Variants in SMCR8 observed in about 807,000 individuals in gnomAD.
SMCR8 encodes the protein SMCR8-C9orf72 complex subunit, also known as guanine nucleotide exchange protein SMCR8.
In SMCR8, 30 loss-of-function variants were observed where a neutral mutation model predicts 56.6. That is an observed-to-expected ratio of 0.53 (90% CI 0.40 to 0.72). The LOEUF (loss-of-function observed/expected upper bound fraction) is 0.72, where lower values mean the gene tolerates loss of function less well. Ranked by LOEUF, SMCR8 falls within the 30% of genes least tolerant of loss-of-function variation. The pLI, the probability that SMCR8 is intolerant of heterozygous loss-of-function variation, is 0.00. For synonymous variants in SMCR8, 538 were observed against 456.0 expected (o/e 1.18, Z -2.29); for missense variants, 1,198 against 1,157.0 (o/e 1.04, Z -0.51).
chr17:18,321,332 T>C (rs779917316), intron 1 of SMCR8, among the ~76,000 whole-genome samples: 22 of 152,142 alleles, frequency 1.4e-4, no homozygotes, highest in African/African-American at 3.4e-4. Context: ...GTGCCAGGCA[T>C]TGGGGGCATG....
Position 18,327,464 on chromosome 17 carries a change from A to G in SMCR8, c.*4394A>G, listed in dbSNP as rs1162689836. On this transcript the variant is annotated 3_prime_UTR_variant, in exon 2 of 2. Coordinates refer to ENST00000406438, the MANE Select transcript of SMCR8 (RefSeq NM_144775.3). ...CAGAACTGTAGGGACTGGTGAGTCA[A>G]CTCACAGATTCTGCAGCAGCTGCTC... is the stretch of plus-strand genomic sequence containing the variant. 6.6e-6 allele frequency: 1 copy of G among 152,202 alleles called. No individual in the cohort carries two copies. Among genetic ancestry groups the G allele is most frequent in the South Asian group, 2.1e-4 (1 of 4,828 alleles). The allele number at this position is 152,202 out of a possible 1,614,324, so 9.4% of individuals were successfully genotyped here. A position where few individuals can be genotyped will look rare whatever the true frequency, so the allele number is the denominator to read the frequency against.
Position 18,317,838 on chromosome 17 carries a change from C to G in SMCR8, c.2049C>G (p.Ser683=). 1 of 1,614,120 alleles carries G rather than the reference C, an allele frequency of 6.2e-7. No homozygotes were observed. Among genetic ancestry groups the G allele is most frequent in the Non-Finnish European group, 8.5e-7 (1 of 1,180,014 alleles). Residue 683 remains serine, a synonymous_variant, in exon 1 of 2, where the codon TCC becomes TCG. Coordinates refer to ENST00000406438, the MANE Select transcript of SMCR8 (RefSeq NM_144775.3). ...CCAGCTACGTGAGCAGTGTAGCGTCCACCAGCTCAGACAGGATCCCCTCTG... is the reference window on the plus strand; with the variant it reads ...CCAGCTACGTGAGCAGTGTAGCGTCGACCAGCTCAGACAGGATCCCCTCTG... ...DTTSYVSSVA[S]TSSDRIPSAY...
Position 18,316,480 on chromosome 17 carries a change from G to A in SMCR8, c.691G>A (p.Glu231Lys), listed in dbSNP as rs2142993328. 6.2e-7 allele frequency: 1 copy of A among 1,614,118 alleles called. No individual in the cohort carries two copies. Among genetic ancestry groups the A allele is most frequent in the African/African-American group, 1.3e-5 (1 of 75,050 alleles). The change falls in exon 1 of 2, where the codon GAG becomes AAG. Residue 231 changes from glutamate (E) to lysine (K), a missense_variant. Glu to Lys is a moderately conservative substitution (Grantham distance 56). Transcript: ENST00000406438. Reference protein sequence around the residue: ...DKGFYSSQAIEKANELASVEK... With the variant: ...DKGFYSSQAIKKANELASVEK... Reference sequence around the variant, plus strand: ...AGGCTTTTACTCATCTCAGGCAATTGAGAAAGCCAATGAACTGGCCAGTGT... The same window carrying A: ...AGGCTTTTACTCATCTCAGGCAATTAAGAAAGCCAATGAACTGGCCAGTGT...
Position 18,318,085 on chromosome 17 carries a change from C to T in SMCR8, c.2296C>T (p.His766Tyr), listed in dbSNP as rs139651702. 9 of 1,614,152 alleles carry T rather than the reference C, an allele frequency of 5.6e-6. No homozygotes were observed. Among genetic ancestry groups the T allele is most frequent in the Non-Finnish European group, 6.8e-6 (8 of 1,180,056 alleles). ...TGGCTGCTACGCTAAGCCCGTGAAACATTGGGCCTCCTCCCCTTTGCACAT... is the reference window on the plus strand; with the variant it reads ...TGGCTGCTACGCTAAGCCCGTGAAATATTGGGCCTCCTCCCCTTTGCACAT... ...SYGCYAKPVK[H>Y]WASSPLHIMD... Residue 766 changes from histidine (H) to tyrosine (Y), a missense_variant, in exon 1 of 2, where the codon CAT becomes TAT. Transcript: ENST00000406438.
In SMCR8 at chr17:18,317,783, A is replaced by G; in HGVS notation, c.1994A>G (p.Lys665Arg). Reference protein sequence around the residue: ...SHLLASRDISKTSLDNYSDTT... With the variant: ...SHLLASRDISRTSLDNYSDTT... The stretch of plus-strand genomic sequence containing the variant: ...CTGCTGGCTAGCCGGGACATCAGTA[A>G]GACCAGCCTGGACAACTACTCAGAC... Residue 665 changes from lysine (K) to arginine (R), a missense_variant, in exon 1 of 2, where the codon AAG becomes AGG. Lys to Arg is a conservative substitution (Grantham distance 26). Coordinates refer to ENST00000406438, the MANE Select transcript of SMCR8 (RefSeq NM_144775.3). 6.2e-7 allele frequency: 1 copy of G among 1,614,152 alleles called. No individual in the cohort carries two copies. Among genetic ancestry groups the G allele is most frequent in the Non-Finnish European group, 8.5e-7 (1 of 1,180,028 alleles).
Position 18,316,080 on chromosome 17 carries a change from G to A in SMCR8, c.291G>A (p.Val97=), listed in dbSNP as rs772116792. The change falls in exon 1 of 2, where the codon GTG becomes GTA. Residue 97 remains valine (V), a synonymous_variant. Transcript: ENST00000406438. ...LNYFSLRIMS[V]DYQASFVGHP... is the part of the protein sequence containing the mutation. ...ACTTCTCCCTGCGTATCATGTCTGTGGATTACCAGGCTTCCTTCGTGGGCC... is the reference window on the plus strand; with the variant it reads ...ACTTCTCCCTGCGTATCATGTCTGTAGATTACCAGGCTTCCTTCGTGGGCC... 5.0e-6 allele frequency: 8 copies of A among 1,613,996 alleles called. No individual in the cohort carries two copies.
rs930898931 is a variant in SMCR8, at chr17:18,326,797, C to G, written c.*3727C>G. 2.0e-5 allele frequency: 3 copies of G among 152,396 alleles called. No homozygotes were observed. Among genetic ancestry groups the G allele is most frequent in the African/African-American group, 7.2e-5 (3 of 41,474 alleles). The allele number at this position is 152,396 out of a possible 1,614,324, so 9.4% of individuals were successfully genotyped here. On this transcript the variant is annotated 3_prime_UTR_variant, in exon 2 of 2. Coordinates refer to ENST00000406438, the MANE Select transcript of SMCR8 (RefSeq NM_144775.3). ...GCAGTGCTGAACATGCCCCACCGCCCAGGCCCAGCACTGCTTGTTGGGTCA... is the reference window on the plus strand; with the variant it reads ...GCAGTGCTGAACATGCCCCACCGCCGAGGCCCAGCACTGCTTGTTGGGTCA...
chr17:18,322,847 G>A lies in SMCR8; in HGVS notation c.2591G>A (p.Cys864Tyr). The A allele has an allele frequency of 6.2e-7, 1 of 1,613,954 alleles. No homozygotes were observed. Among genetic ancestry groups the A allele is most frequent in the Non-Finnish European group, 8.5e-7 (1 of 1,179,848 alleles). Residue 864 changes from cysteine to tyrosine, a missense_variant, in exon 2 of 2, where the codon TGC becomes TAC. Physicochemically the swap from Cys to Tyr is radical, Grantham distance 194. Coordinates refer to ENST00000406438, the MANE Select transcript of SMCR8 (RefSeq NM_144775.3). ...TCCAAGGCCTTCCTCTACACCTTCT[G>A]CCACCACCTGCACCTGCCTACCCAC... ...LCSKAFLYTF[C>Y]HHLHLPTHDK...
chr17:18,322,841 C>T lies in SMCR8; in HGVS notation c.2585C>T (p.Thr862Ile). 2 of 1,614,028 alleles carry T rather than the reference C, an allele frequency of 1.2e-6. No homozygotes were observed. The highest frequency in any genetic ancestry group is 1.7e-6 in the Non-Finnish European group (2 of 1,179,888). The stretch of plus-strand genomic sequence containing the variant: ...CTCTGCTCCAAGGCCTTCCTCTACA[C>T]CTTCTGCCACCACCTGCACCTGCCT... ...TQLCSKAFLYTFCHHLHLPTH... is the reference protein window; with the variant it reads ...TQLCSKAFLYIFCHHLHLPTH... The change falls in exon 2 of 2, where the codon ACC (threonine) becomes ATC (isoleucine). Residue 862 changes from threonine to isoleucine, a missense_variant. Thr to Ile is a moderately conservative substitution (Grantham distance 89). Coordinates refer to ENST00000406438, the MANE Select transcript of SMCR8 (RefSeq NM_144775.3).
At position 18,317,811 on chromosome 17, in the gene SMCR8, CACCAGCT is replaced by C; in HGVS notation, c.2025_2031del (p.Ser676Ter). 1.9e-6 allele frequency: 3 copies of C among 1,614,164 alleles called. No individual in the cohort carries two copies. The highest frequency in any genetic ancestry group is 2.5e-6 in the Non-Finnish European group (3 of 1,180,004). On this transcript the variant is annotated frameshift_variant, in exon 1 of 2. Transcript: ENST00000406438. LOFTEE classifies it high-confidence loss of function. ...CCAGCCTGGACAACTACTCAGACACCACCAGCTACGTGAGCAGTGTAGCGTCCACCAG... is the reference window on the plus strand; with the variant it reads ...CCAGCCTGGACAACTACTCAGACACCACGTGAGCAGTGTAGCGTCCACCAG...
At chr17:18,320,214 G>A (rs1026424700) in intron 1 of SMCR8, among the ~76,000 whole-genome samples, 2 of 152,254 alleles carry the variant, frequency 1.3e-5, no homozygotes, top group East Asian at 3.8e-4. Context: ...CCTCATTGGT[G>A]GAGAGGTGTC....
At chr17:18,321,601 A>T (rs1364165777) in intron 1 of SMCR8, among the ~76,000 whole-genome samples, 1 of 152,244 alleles carries the variant, frequency 6.6e-6, no homozygotes, top group Non-Finnish European at 1.5e-5. Context: ...AATCTTTGGG[A>T]GGCCAAGGCA....
In SMCR8 at chr17:18,318,147, G is replaced by A. The variant is rs554420231; in HGVS notation, c.2358G>A (p.Gln786=). ...AGAAGTGGAAGCTTATTGGCTTGCA[G>A]AGGTAACTGGTTCCAGGTGGTGGGG... is the stretch of plus-strand genomic sequence containing the variant. ...DFQKWKLIGL[Q]RVASPAGAGT... The change falls in exon 1 of 2, where the codon CAG becomes CAA. Residue 786 remains glutamine, a splice_region_variant and synonymous_variant. Coordinates refer to ENST00000406438, the MANE Select transcript of SMCR8 (RefSeq NM_144775.3). 72 of 1,609,850 alleles carry A rather than the reference G, an allele frequency of 4.5e-5. No homozygotes were observed. The South Asian group carries it at 7.3e-4, about 16-fold the overall frequency.
At position 18,317,550 on chromosome 17, in the gene SMCR8, T is replaced by C. The variant is rs369091020; in HGVS notation, c.1761T>C (p.Ile587=). The C allele has an allele frequency of 6.2e-6, 10 of 1,613,888 alleles. No homozygotes were observed. Among genetic ancestry groups the C allele is most frequent in the Non-Finnish European group, 8.5e-6 (10 of 1,180,020 alleles). The change falls in exon 1 of 2, where the codon ATT becomes ATC. Residue 587 remains isoleucine, a synonymous_variant. Coordinates refer to ENST00000406438, the MANE Select transcript of SMCR8 (RefSeq NM_144775.3). ...CACAAATAGACTCCTCCTGCTGTAT[T>C]GGGAAGGAGAGCGATGGTCAGTTGG... ...TPSQIDSSCC[I]GKESDGQLVL...
chr17:18,319,236 T>C (rs536422193), intron 1 of SMCR8, among the ~76,000 whole-genome samples: 64 of 152,302 alleles, frequency 4.2e-4, no homozygotes, highest in Middle Eastern at 6.8e-3. Flanking sequence ...CCCAATCATG[T>C]TGAACACCTC....
intron 1 of SMCR8, among the ~76,000 whole-genome samples, chr17:18,321,823 C>A (rs1363987103): frequency 6.6e-6 from 1 of 152,178 alleles, no homozygotes; most frequent in Non-Finnish European, 1.5e-5. Flanking sequence ...CAGAGCAAGA[C>A]CCTGTCTCTA....
In SMCR8 at chr17:18,317,563, G is replaced by C; in HGVS notation, c.1774G>C (p.Asp592His). The C allele has an allele frequency of 1.2e-6, 2 of 1,614,126 alleles. No homozygotes were observed. Among genetic ancestry groups the C allele is most frequent in the Non-Finnish European group, 8.5e-7 (1 of 1,180,044 alleles). Residue 592 changes from aspartate to histidine, a missense_variant, in exon 1 of 2, where the codon GAT (aspartate) becomes CAT (histidine). Asp to His is a moderately conservative substitution (Grantham distance 81). Coordinates refer to ENST00000406438, the MANE Select transcript of SMCR8 (RefSeq NM_144775.3). ...CTCCTGCTGTATTGGGAAGGAGAGC[G>C]ATGGTCAGTTGGTGCTGCCCTCCAC... Reference protein sequence around the residue: ...DSSCCIGKESDGQLVLPSTPA... With the variant: ...DSSCCIGKESHGQLVLPSTPA...
At position 18,327,523 on chromosome 17, in the gene SMCR8, C is replaced by A. The variant is rs932071137; in HGVS notation, c.*4453C>A. 6.6e-6 allele frequency: 1 copy of A among 152,248 alleles called. No individual in the cohort carries two copies. The highest frequency in any genetic ancestry group is 2.1e-4 in the South Asian group (1 of 4,834). 9.4% of individuals were successfully genotyped at this position (152,248 alleles called of 1,614,324 possible). On this transcript the variant is annotated 3_prime_UTR_variant, in exon 2 of 2. Transcript: ENST00000406438. ...ATAAAGCAAACGCCGACAGGCTAGA[C>A]CCCAGATTGCAGGGGCTGCCACCTA... is the stretch of plus-strand genomic sequence containing the variant.
rs1982217496 is a variant in SMCR8, at chr17:18,315,411, C to A, written c.-379C>A. ...AGCAGCGCTTGGCTGACCCCTGCGG[C>A]GTCCCGTAGCCTCGCGTTAAGCCTT... On this transcript the variant is annotated 5_prime_UTR_variant, in exon 1 of 2. Coordinates refer to ENST00000406438, the MANE Select transcript of SMCR8 (RefSeq NM_144775.3). 1 of 177,398 alleles carries A rather than the reference C, an allele frequency of 5.6e-6. No homozygotes were observed. Among genetic ancestry groups the A allele is most frequent in the Admixed American group, 5.5e-5 (1 of 18,104 alleles). The allele number at this position is 177,398 out of a possible 1,614,324, so 11.0% of individuals were successfully genotyped here.
Sources: gnomAD v4.1 joint callset for allele counts (sites outside exome capture counted in the v4.1 genomes callset) on GRCh38, gnomAD v4.1.1 for gene constraint, MANE v1.5 for transcripts, NCBI Gene and HGNC (gene_info 2026-07-23, HGNC 2026-07-21) for gene names.